PDE4D: variants seen among roughly 807,000 people sequenced by gnomAD.
PDE4D encodes 3',5'-cyclic-AMP phosphodiesterase 4D.
A neutral mutation model predicts 87.4 loss-of-function variants in PDE4D; 24 were observed. The observed-to-expected ratio is 0.27, with a 90% CI of 0.20 to 0.39. The LOEUF (loss-of-function observed/expected upper bound fraction) is 0.39. Among genes scored for constraint, PDE4D ranks in the 10% least tolerant of loss-of-function variants. The pLI is 1.00. For missense variants in PDE4D, 714 were observed against 1,041.0 expected (o/e 0.69, Z 4.32); for synonymous variants, 384 against 383.2 (o/e 1.00, Z -0.02).
chr5:58,980,209 T>G (rs999198692), intron 11 of PDE4D, among the ~76,000 whole-genome samples: 8 of 152,216 alleles, frequency 5.3e-5, no homozygotes, highest in African/African-American at 1.9e-4. Flanking sequence ...GGACATCTTT[T>G]ATACACATAA....
At chr5:59,264,177 C>T (rs1347547806) in intron 1 of PDE4D, among the ~76,000 whole-genome samples, 3 of 152,004 alleles carry the variant, frequency 2.0e-5, no homozygotes, top group Non-Finnish European at 4.4e-5. Flanking sequence ...CTATGTCCCT[C>T]TTCTGTCTGG....
intron 1 of PDE4D, among the ~76,000 whole-genome samples, chr5:59,874,923 G>A (rs1313443060): frequency 2.0e-5 from 3 of 152,166 alleles, no homozygotes; most frequent in Non-Finnish European, 4.4e-5. Context: ...GTGGGGCAGA[G>A]GTCCCATCTG....
intron 5 of PDE4D, among the ~76,000 whole-genome samples, chr5:59,071,577 T>C (rs916616971): frequency 2.0e-5 from 3 of 151,516 alleles, no homozygotes; most frequent in Non-Finnish European, 2.9e-5. Context: ...TGCTTTTGTT[T>C]CGTGGAAGCA....
At chr5:59,767,011 G>T (rs1310675010) in intron 1 of PDE4D, among the ~76,000 whole-genome samples, 1 of 151,984 alleles carries the variant, frequency 6.6e-6, no homozygotes, top group Admixed American at 6.6e-5. Flanking sequence ...CATGTCTTTG[G>T]GTGTGACATG....
intron 1 of PDE4D, among the ~76,000 whole-genome samples, chr5:59,511,843 A>G (rs1401961902): frequency 6.6e-6 from 1 of 152,146 alleles, no homozygotes; most frequent in African/African-American, 2.4e-5. Context: ...GTTGGACAAT[A>G]TGATTTCAGA....
intron 1 of PDE4D, among the ~76,000 whole-genome samples, chr5:59,633,700 T>C (rs1464285793): frequency 6.6e-6 from 1 of 152,110 alleles, no homozygotes; most frequent in Admixed American, 6.6e-5. Context: ...AGGGATTTCG[T>C]CCCCACCAGG....
intron 1 of PDE4D, among the ~76,000 whole-genome samples, chr5:59,657,635 T>C (rs956397856): frequency 1.3e-5 from 2 of 152,190 alleles, no homozygotes; most frequent in African/African-American, 2.4e-5. Flanking sequence ...ACAATCTATA[T>C]ACTTTAACTC....
chr5:60,339,590 C>T (rs76838106), intron 1 of PDE4D, among the ~76,000 whole-genome samples: 2,961 of 152,274 alleles, frequency 0.019, 73 homozygotes, highest in East Asian at 0.13. Flanking sequence ...AGGGTGCCTC[C>T]GGTAATATGG....
At chr5:59,934,838 T>G (rs1455589983) in intron 3 of PDE4D, among the ~76,000 whole-genome samples, 1 of 152,170 alleles carries the variant, frequency 6.6e-6, no homozygotes, top group Non-Finnish European at 1.5e-5. Context: ...AGGCACATTC[T>G]GGAAACAGGA....
chr5:59,848,220 G>A (rs1487558836), intron 1 of PDE4D, among the ~76,000 whole-genome samples: 2 of 151,964 alleles, frequency 1.3e-5, no homozygotes, highest in African/African-American at 4.8e-5. Context: ...ATGCCTTTGG[G>A]ATATCTGATA....
At chr5:60,458,458 G>A (rs562973150) in intron 1 of PDE4D, among the ~76,000 whole-genome samples, 39 of 149,078 alleles carry the variant, frequency 2.6e-4, no homozygotes, top group African/African-American at 8.4e-4. Context: ...AATTCTATTC[G>A]CAGCATTTTG....
At chr5:60,376,045 G>A (rs1048682704) in intron 1 of PDE4D, among the ~76,000 whole-genome samples, 5 of 152,000 alleles carry the variant, frequency 3.3e-5, no homozygotes, top group African/African-American at 9.7e-5. Context: ...CTAAACATAC[G>A]TATATATATC....
chr5:60,295,348 C>A (rs924650842), intron 1 of PDE4D, among the ~76,000 whole-genome samples: 2 of 152,166 alleles, frequency 1.3e-5, no homozygotes, highest in African/African-American at 4.8e-5. Context: ...TTTAATTATT[C>A]TTCTTGCACT....
chr5:59,217,846 G>C (rs2153507322), intron 1 of PDE4D: 1 of 283,566 alleles, frequency 3.5e-6, no homozygotes, highest in South Asian at 3.2e-5. Flanking sequence ...CAGGAAGGCT[G>C]GAAGGGGAGG....
intron 1 of PDE4D, among the ~76,000 whole-genome samples, chr5:59,476,318 T>C (rs1032549842): frequency 6.6e-6 from 1 of 152,100 alleles, no homozygotes; most frequent in Admixed American, 6.6e-5. Context: ...TATTTCCTGA[T>C]CAGGATGGAG....
At chr5:59,126,110 AGAGAG>A (rs1561529553) in intron 5 of PDE4D, among the ~76,000 whole-genome samples, 18 of 107,086 alleles carry the variant, frequency 1.7e-4, no homozygotes, top group African/African-American at 2.6e-4. Context: ...AAAAAAAAAG[AGAGAG>A]AGAGAGAGAG....
chr5:60,499,161 C>T (rs928893761), intron 1 of PDE4D, among the ~76,000 whole-genome samples: 1 of 152,180 alleles, frequency 6.6e-6, no homozygotes, highest in Non-Finnish European at 1.5e-5. Context: ...ATAAACAGTT[C>T]ACACTGAGAC....
chr5:60,041,340 G>A (rs537226553), intron 2 of PDE4D, among the ~76,000 whole-genome samples: 36 of 152,088 alleles, frequency 2.4e-4, no homozygotes, highest in Non-Finnish European at 4.1e-4. Context: ...TTCTTGTCAT[G>A]TTTCAATCAC....
intron 1 of PDE4D, among the ~76,000 whole-genome samples, chr5:59,308,128 G>A (rs1008143787): frequency 9.4e-5 from 14 of 149,670 alleles, no homozygotes; most frequent in Non-Finnish European, 1.6e-4. Flanking sequence ...ACCAAACACC[G>A]CATGTTCTCA....
Sources: gnomAD v4.1 joint callset for allele counts (sites outside exome capture counted in the v4.1 genomes callset) on GRCh38, gnomAD v4.1.1 for gene constraint, MANE v1.5 for transcripts, NCBI Gene and HGNC (gene_info 2026-07-23, HGNC 2026-07-21) for gene names.